The following CFAP58 variants were observed in gnomAD, a reference collection of about 807,000 sequenced individuals.
The protein encoded by CFAP58 is cilia- and flagella-associated protein 58.
In CFAP58, 88 loss-of-function variants were observed where a neutral mutation model predicts 119.5. The observed-to-expected ratio is 0.74, with a 90% CI of 0.62 to 0.88. The LOEUF (loss-of-function observed/expected upper bound fraction) is 0.88. CFAP58 is among the 40% of genes least tolerant of loss of function. The probability of loss-of-function intolerance (pLI) is 0.00; values close to 1 mark genes in which losing one functional copy is unlikely to be tolerated. For synonymous variants in CFAP58, 365 were observed against 366.3 expected (o/e 1.00, Z 0.04); for missense variants, 990 against 1,021.2 (o/e 0.97, Z 0.42).
intron 10 of CFAP58, 53 bp from the exon 11 acceptor site, chr10:104,393,276 A>C: frequency 6.5e-7 from 1 of 1,532,500 alleles, no homozygotes; most frequent in Non-Finnish European, 8.9e-7. Context: ...GAACTTCCAT[A>C]GGGACGATGA....
At chr10:104,421,531 G>T (rs1187282046) in intron 15 of CFAP58, among the ~76,000 whole-genome samples, 1 of 152,068 alleles carries the variant, frequency 6.6e-6, no homozygotes, top group Non-Finnish European at 1.5e-5. Context: ...AACCTTATTG[G>T]GTCTGCTCTT....
rs953376538 is a variant in CFAP58, at chr10:104,380,072, T to C, written c.1217T>C (p.Leu406Ser). 4.3e-6 allele frequency: 7 copies of C among 1,613,988 alleles called. No homozygotes were observed. The highest frequency in any genetic ancestry group is 5.9e-6 in the Non-Finnish European group (7 of 1,179,996). Residue 406 changes from leucine (L) to serine (S), a missense_variant, in exon 9 of 18, where the codon TTG (leucine) becomes TCG (serine). Physicochemically the swap from Leu to Ser is moderately radical, Grantham distance 145. Transcript: ENST00000369704. ...AVNATQKQTD[L>S]VKLHEQAKRN... ...AATGCGACCCAGAAGCAGACAGACT[T>C]GGTAAAGCTCCATGAACAAGCCAAG...
intron 15 of CFAP58, among the ~76,000 whole-genome samples, chr10:104,430,690 C>G (rs1014824203): frequency 2.6e-5 from 4 of 152,054 alleles, no homozygotes; most frequent in African/African-American, 9.7e-5. Context: ...CACATTTTTG[C>G]ATCTAAAAAA....
chr10:104,347,880 G>A, the CFAP58 span, among the ~76,000 whole-genome samples: 11 of 151,956 alleles, frequency 7.2e-5, no homozygotes, highest in South Asian at 2.1e-4. Flanking sequence ...CCCATCTTTC[G>A]CTTCCTGTTT....
chr10:104,430,926 G>T (rs1364962620), intron 15 of CFAP58, among the ~76,000 whole-genome samples: 2 of 152,154 alleles, frequency 1.3e-5, no homozygotes, highest in Admixed American at 1.3e-4. Flanking sequence ...TACACTATCT[G>T]CCATGTATTA....
intron 10 of CFAP58, 78 bp from the exon 11 acceptor site, chr10:104,393,251 T>C: frequency 7.5e-7 from 1 of 1,331,844 alleles, no homozygotes; most frequent in Non-Finnish European, 1.0e-6. Context: ...CCTTAAAAGC[T>C]CTGAAATATA....
intron 15 of CFAP58, among the ~76,000 whole-genome samples, chr10:104,415,422 G>T (rs191597868): frequency 2.0e-4 from 31 of 152,286 alleles, no homozygotes; most frequent in Non-Finnish European, 4.1e-4. Flanking sequence ...CTGGGCATTT[G>T]TTCAATGACT....
At chr10:104,362,224 T>C (rs544578658) in intron 3 of CFAP58, 53 bp downstream of exon 3, 1 of 1,504,240 alleles carries the variant, frequency 6.6e-7, no homozygotes, top group African/African-American at 1.4e-5. Flanking sequence ...AGAGGTCTCC[T>C]TCAGTAGACA....
chr10:104,348,241 A>T, the CFAP58 span, among the ~76,000 whole-genome samples: 1 of 152,182 alleles, frequency 6.6e-6, no homozygotes, highest in Non-Finnish European at 1.5e-5. Flanking sequence ...TCTATGACAG[A>T]GGTCGATTTC....
At chr10:104,391,816 C>T (rs2012049885) in intron 9 of CFAP58, among the ~76,000 whole-genome samples, 1 of 152,174 alleles carries the variant, frequency 6.6e-6, no homozygotes. Flanking sequence ...TCGTGGTTAA[C>T]TTTATAAGCA....
At chr10:104,415,690 G>A (rs1204242180) in intron 15 of CFAP58, among the ~76,000 whole-genome samples, 2 of 152,170 alleles carry the variant, frequency 1.3e-5, no homozygotes, top group African/African-American at 4.8e-5. Flanking sequence ...TCTCCTGGCA[G>A]GTCCTGGGGA....
chr10:104,362,751 T>C (rs76424735), intron 3 of CFAP58, among the ~76,000 whole-genome samples: 2,132 of 152,298 alleles, frequency 0.014, 60 homozygotes, highest in African/African-American at 0.049. Context: ...AAGACATGTC[T>C]TTCTTTATTC....
intron 15 of CFAP58, among the ~76,000 whole-genome samples, chr10:104,443,483 G>A (rs1256304832): frequency 6.6e-6 from 1 of 152,220 alleles, no homozygotes; most frequent in Admixed American, 6.5e-5. Context: ...TCTCACCCAA[G>A]CAAATTGATG....
chr10:104,357,819 A>G (rs2014568453), intron 1 of CFAP58, among the ~76,000 whole-genome samples: 1 of 147,640 alleles, frequency 6.8e-6, no homozygotes, highest in South Asian at 2.1e-4. Flanking sequence ...ATATATGTAC[A>G]TATATACACA....
chr10:104,402,175 C>T (rs1261098085), intron 13 of CFAP58, among the ~76,000 whole-genome samples: 1 of 152,186 alleles, frequency 6.6e-6, no homozygotes, highest in African/African-American at 2.4e-5. Flanking sequence ...CACTGACCTT[C>T]CCTGAGCTTT....
At chr10:104,445,140 T>C (rs2013093827) in intron 15 of CFAP58, among the ~76,000 whole-genome samples, 1 of 151,304 alleles carries the variant, frequency 6.6e-6, no homozygotes, top group Admixed American at 6.6e-5. Context: ...CTGGGCAACA[T>C]AGCGAGACCC....
intron 15 of CFAP58, among the ~76,000 whole-genome samples, chr10:104,438,407 C>T (rs1589936395): frequency 8.0e-6 from 1 of 124,652 alleles, no homozygotes; most frequent in Admixed American, 1.0e-4. Flanking sequence ...CTCGCTCTGT[C>T]GCCCAGGCCA....
At chr10:104,416,342 A>G (rs757041408) in intron 15 of CFAP58, among the ~76,000 whole-genome samples, 1 of 152,220 alleles carries the variant, frequency 6.6e-6, no homozygotes, top group Non-Finnish European at 1.5e-5. Flanking sequence ...ACATTCACCT[A>G]GAGGCCTAGG....
chr10:104,364,581 C>T, intron 3 of CFAP58, 152 bp from the exon 4 acceptor site: 2 of 621,220 alleles, frequency 3.2e-6, no homozygotes, highest in Non-Finnish European at 5.6e-6. Context: ...AATCTGATCC[C>T]ATATCATGGC....
Sources: allele counts gnomAD v4.1 joint callset (sites outside exome capture counted in the v4.1 genomes callset), GRCh38; gene constraint gnomAD v4.1.1; transcripts MANE v1.5; gene names NCBI Gene and HGNC (gene_info 2026-07-23, HGNC 2026-07-21).